The following LRRN2 variants were observed in gnomAD, a reference collection of about 807,000 sequenced individuals.
LRRN2 encodes leucine-rich repeat neuronal protein 2.
LRRN2 carries 10 observed loss-of-function variants against 35.7 expected under a neutral mutation model. The observed-to-expected ratio is 0.28, with a 90% CI of 0.17 to 0.47. LRRN2 has a LOEUF of 0.47. Among genes scored for constraint, LRRN2 ranks in the 20% least tolerant of loss-of-function variants. The pLI is 0.99. For synonymous variants in LRRN2, 391 were observed against 409.6 expected, an observed-to-expected ratio of 0.95 and a Z score of 0.55; for missense variants, 731 against 940.3, an observed-to-expected ratio of 0.78 and a Z score of 2.91.
At chr1:204,664,212 A>G (rs17413714) in intron 1 of LRRN2, 1 of 152,252 alleles carries the variant, frequency 6.6e-6, no homozygotes, top group Non-Finnish European at 1.5e-5. Flanking sequence ...AAAGCATTGC[A>G]GAAGAAAACA....
intron 1 of LRRN2, among the ~76,000 whole-genome samples, chr1:204,637,386 C>T (rs1667860753): frequency 2.0e-5 from 3 of 152,182 alleles, no homozygotes; most frequent in Admixed American, 2.0e-4. Flanking sequence ...TGTATTTGTA[C>T]AGTGCACCAG....
chr1:204,622,544 G>A (rs1051983454), intron 1 of LRRN2, among the ~76,000 whole-genome samples: 2 of 151,984 alleles, frequency 1.3e-5, no homozygotes, highest in South Asian at 4.1e-4. Context: ...ACAAACACAT[G>A]TGTACACATG....
intron 1 of LRRN2, among the ~76,000 whole-genome samples, chr1:204,670,550 T>C: frequency 6.6e-6 from 1 of 152,074 alleles, no homozygotes; most frequent in East Asian, 1.9e-4. Context: ...AAGCCGTTCG[T>C]GTGGCTGAGA....
Position 204,618,458 on chromosome 1 carries a change from A to G in LRRN2, c.1535T>C (p.Val512Ala). ...LVGADTKTVS[V>A]VVGRALLQPG... ...CTGGAGGAGAGCACGGCCCACAACC[A>G]CACTAACCGTCTTAGTGTCAGCCCC... The change falls in exon 2 of 2, where the codon GTG (valine) becomes GCG (alanine). Residue 512 changes from valine (V) to alanine (A), a missense_variant. Val to Ala is a moderately conservative substitution (Grantham distance 64). This residue lies in a region of LRRN2 where 229 missense variants were observed against 258.4 expected (regional missense o/e 0.89). Transcript: ENST00000367177. 1 of 1,614,152 alleles carries G rather than the reference A, an allele frequency of 6.2e-7. No homozygotes were observed. Among genetic ancestry groups the G allele is most frequent in the Non-Finnish European group, 8.5e-7 (1 of 1,179,998 alleles).
At chr1:204,623,273 C>T (rs555985927) in intron 1 of LRRN2, among the ~76,000 whole-genome samples, 1 of 152,282 alleles carries the variant, frequency 6.6e-6, no homozygotes, top group African/African-American at 2.4e-5. Flanking sequence ...GCGCTGAGTC[C>T]GTGCTCAACT....
chr1:204,652,235 T>C (rs774722296), intron 1 of LRRN2, among the ~76,000 whole-genome samples: 21 of 122,968 alleles, frequency 1.7e-4, no homozygotes, highest in East Asian at 1.6e-3. Flanking sequence ...CCCTCCTCTC[T>C]CCCCTTCGCC....
At position 204,676,172 on chromosome 1, in the gene LRRN2, G is replaced by A. The variant is rs923975485; in HGVS notation, c.-227+9148C>T. On this transcript the variant is annotated intron_variant, in intron 1 of 1. Transcript: ENST00000367177. ...TGTGTGTGTGTGTGTGTGTGTGTGT[G>A]TACCCACCCATGCACACTTTACCTG... Among the ~76,000 whole-genome samples, 10 of 142,868 alleles carry A rather than the reference G, an allele frequency of 7.0e-5. No individual in the cohort carries two copies. The South Asian group carries it at 9.1e-4, about 13-fold the overall frequency. 93.7% of individuals were successfully genotyped at this position (142,868 alleles called of 152,430 possible).
intron 1 of LRRN2, chr1:204,629,254 G>A (rs951949810): frequency 3.3e-5 from 5 of 152,272 alleles, no homozygotes; most frequent in African/African-American, 1.2e-4. Context: ...TGCATATCTG[G>A]GGAATTCCTT....
rs551227906 is a variant in LRRN2, at chr1:204,623,540, C to G, written c.-226-3322G>C. On this transcript the variant is annotated intron_variant, in intron 1 of 1. Coordinates refer to ENST00000367177, the MANE Select transcript of LRRN2 (RefSeq NM_201630.2). ...AGGCCCAGACAAGTCCACCCCCTCA[C>G]TGCTGAGCATGCAGCTCTTTCCAGG... Among the ~76,000 whole-genome samples, 3 of 152,380 alleles carry G rather than the reference C, an allele frequency of 2.0e-5. No homozygotes were observed. The South Asian group carries it at 6.2e-4, about 32-fold the overall frequency.
chr1:204,624,743 G>A (rs951540305), intron 1 of LRRN2, among the ~76,000 whole-genome samples: 15 of 124,026 alleles, frequency 1.2e-4, no homozygotes, highest in South Asian at 5.8e-4. Context: ...TCTCCCTGGC[G>A]GTTCCCCCCC....
intron 1 of LRRN2, among the ~76,000 whole-genome samples, chr1:204,667,156 T>C (rs1246506815): frequency 2.0e-5 from 3 of 152,016 alleles, no homozygotes; most frequent in African/African-American, 4.8e-5. Context: ...TTAACTAGCT[T>C]GATTGTGGTG....
chr1:204,667,186 A>G (rs944031433), intron 1 of LRRN2, among the ~76,000 whole-genome samples: 1 of 152,162 alleles, frequency 6.6e-6, no homozygotes, highest in Non-Finnish European at 1.5e-5. Flanking sequence ...AAAACCAGGC[A>G]CACACAAAGG....
At chr1:204,676,903 C>T (rs2102243786) in intron 1 of LRRN2, among the ~76,000 whole-genome samples, 1 of 152,310 alleles carries the variant, frequency 6.6e-6, no homozygotes, top group South Asian at 2.1e-4. Context: ...GGGCTGAATT[C>T]TGGCTCTGCC....
In LRRN2 at chr1:204,619,092, T is replaced by C. The variant is rs1048645643; in HGVS notation, c.901A>G (p.Ile301Val). 9 of 1,608,290 alleles carry C rather than the reference T, an allele frequency of 5.6e-6. No individual in the cohort carries two copies. The African/African-American group carries it at 1.1e-4, about 19-fold the overall frequency. ...GLNNMEELVS[I>V]DKFALVNLPE... ...AGGTTCACCAGGGCAAACTTGTCGATGGAGACCAGCTCCTCCATGTTGTTC... is the reference window on the plus strand; with the variant it reads ...AGGTTCACCAGGGCAAACTTGTCGACGGAGACCAGCTCCTCCATGTTGTTC... Residue 301 changes from isoleucine (I) to valine (V), a missense_variant, in exon 2 of 2, where the codon ATC (isoleucine) becomes GTC (valine). Physicochemically the swap from Ile to Val is conservative, Grantham distance 29. Around this residue, in one of 3 missense-constraint regions of LRRN2, gnomAD observed 256 missense variants for 392.4 expected, o/e 0.65. Transcript: ENST00000367177.
At position 204,620,376 on chromosome 1, in the gene LRRN2, C is replaced by T. The variant is rs570645771; in HGVS notation, c.-226-158G>A. On this transcript the variant is annotated intron_variant, in intron 1 of 1. Coordinates refer to ENST00000367177, the MANE Select transcript of LRRN2 (RefSeq NM_201630.2). Reference sequence around the variant, plus strand: ...GCATCCTCCGCCTCCTGGATTCAAGCGATTCTCCTGGCTCAGCCACCTGAG... The same window carrying T: ...GCATCCTCCGCCTCCTGGATTCAAGTGATTCTCCTGGCTCAGCCACCTGAG... The T allele has an allele frequency of 5.7e-5, 16 of 283,042 alleles. No individual in the cohort carries two copies. The South Asian group carries it at 5.8e-4, about 10-fold the overall frequency. The allele number at this position is 283,042 out of a possible 1,614,324, so 17.5% of individuals were successfully genotyped here.
At chr1:204,647,932 T>C (rs1288141655) in intron 1 of LRRN2, among the ~76,000 whole-genome samples, 1 of 152,252 alleles carries the variant, frequency 6.6e-6, no homozygotes, top group Non-Finnish European at 1.5e-5. Context: ...ATTTTTGCTA[T>C]ATTGGGTGAA....
At chr1:204,638,911 G>A (rs1343107708) in intron 1 of LRRN2, among the ~76,000 whole-genome samples, 2 of 152,224 alleles carry the variant, frequency 1.3e-5, no homozygotes, top group Admixed American at 6.5e-5. Context: ...CCTGCTCCCA[G>A]GCTGGGGAAG....
In LRRN2 at chr1:204,620,217, C is replaced by T. The variant is rs1666779703; in HGVS notation, c.-225G>A. ...CATTGCCAGGCCCCATCAGGGGCAG[C>T]CCTGGAAGAAGAGGATGCAGAGTTA... On this transcript the variant is annotated splice_region_variant and 5_prime_UTR_variant, in exon 2 of 2. Transcript: ENST00000367177. The T allele has an allele frequency of 7.0e-7, 1 of 1,438,234 alleles. No individual in the cohort carries two copies. Among genetic ancestry groups the T allele is most frequent in the Admixed American group, 3.0e-5 (1 of 33,160 alleles). 89.1% of individuals were successfully genotyped at this position (1,438,234 alleles called of 1,614,324 possible). A position where few individuals can be genotyped will look rare whatever the true frequency, so the allele number is the denominator to read the frequency against.
chr1:204,681,202 C>T (rs917711145), intron 1 of LRRN2, among the ~76,000 whole-genome samples: 9 of 152,128 alleles, frequency 5.9e-5, no homozygotes, highest in Non-Finnish European at 1.2e-4. Flanking sequence ...TGTGATCCAC[C>T]CGCCTTGGCC....
Sources: gnomAD v4.1 joint callset for allele counts (sites outside exome capture counted in the v4.1 genomes callset) on GRCh38, gnomAD v4.1.1 for gene constraint, gnomAD v4.1.1 regional missense constraint, MANE v1.5 for transcripts, NCBI Gene and HGNC (gene_info 2026-07-23, HGNC 2026-07-21) for gene names.